IRAK3: variants seen among roughly 807,000 people sequenced by gnomAD.
IRAK3 encodes the protein interleukin-1 receptor-associated kinase 3.
A neutral mutation model predicts 56.6 loss-of-function variants in IRAK3; 57 were observed. The ratio of observed to expected loss-of-function variants is 1.01; its 90% CI spans 0.81 to 1.26. The LOEUF (loss-of-function observed/expected upper bound fraction) is 1.26. Ranked by LOEUF, IRAK3 falls within the 50% of genes most tolerant of loss-of-function variation. The pLI is 0.00. For synonymous variants in IRAK3, 258 were observed against 255.7 expected (o/e 1.01, Z -0.09); for missense variants, 703 against 719.0 (o/e 0.98, Z 0.25).
chr12:66,244,386 G>C, intron 8 of IRAK3, 100 bp from the exon 9 acceptor site: 2 of 836,204 alleles, frequency 2.4e-6, no homozygotes, highest in Admixed American at 1.9e-5. Context: ...ACAGTGTTTC[G>C]AATTAACCAG....
intron 2 of IRAK3, among the ~76,000 whole-genome samples, chr12:66,207,118 A>C (rs2052565368): frequency 6.6e-6 from 1 of 152,094 alleles, no homozygotes; most frequent in Non-Finnish European, 1.5e-5. Flanking sequence ...AAAGATTGTC[A>C]ATTTTAATGA....
intron 1 of IRAK3, among the ~76,000 whole-genome samples, chr12:66,201,078 A>G (rs1252062036): frequency 6.6e-6 from 1 of 152,182 alleles, no homozygotes; most frequent in African/African-American, 2.4e-5. Context: ...TGGCCTCTCA[A>G]AGTGCTAGAA....
intron 6 of IRAK3, among the ~76,000 whole-genome samples, chr12:66,225,418 A>G (rs1310504193): frequency 6.6e-6 from 1 of 151,906 alleles, no homozygotes; most frequent in Non-Finnish European, 1.5e-5. Flanking sequence ...TCCTTCCTTG[A>G]AGAGGAAGAA....
chr12:66,250,029 A>G lies in IRAK3; in HGVS notation c.*1858A>G, dbSNP rs1438398318. ...TTCAGAGCCTAATGTGTCATCCTAC[A>G]CAGAGCAGGTGTTTCCTTATAAATT... On this transcript the variant is annotated 3_prime_UTR_variant, in exon 12 of 12. Coordinates refer to ENST00000261233, the MANE Select transcript of IRAK3 (RefSeq NM_007199.3). 6.6e-6 allele frequency: 1 copy of G among 152,220 alleles called. No homozygotes were observed. The highest frequency in any genetic ancestry group is 1.5e-5 in the Non-Finnish European group (1 of 68,034). The allele number at this position is 152,220 out of a possible 1,614,324, so 9.4% of individuals were successfully genotyped here.
chr12:66,202,543 G>A (rs1365401122), intron 1 of IRAK3, among the ~76,000 whole-genome samples: 2 of 152,170 alleles, frequency 1.3e-5, no homozygotes, highest in South Asian at 2.1e-4. Context: ...AGGCCAAGGC[G>A]GGCAGATTGC....
In IRAK3 at chr12:66,225,895, C is replaced by G. The variant is rs185798270; in HGVS notation, c.654-828C>G. 2.8e-3 allele frequency among the ~76,000 whole-genome samples: 432 copies of G among 152,322 alleles called. 2 individuals carry two copies. Among genetic ancestry groups the G allele is most frequent in the African/African-American group, 9.7e-3 (405 of 41,574 alleles). ...TGAAGACACTGACATCTCTTTTGAG[C>G]TGTGTAGCTGGTATCTAGCACAGTA... On this transcript the variant is annotated intron_variant, in intron 6 of 11. Transcript: ENST00000261233.
At chr12:66,214,266 G>A (rs931055937) in intron 5 of IRAK3, among the ~76,000 whole-genome samples, 1 of 152,010 alleles carries the variant, frequency 6.6e-6, no homozygotes, top group East Asian at 1.9e-4. Flanking sequence ...GCTCATGCCT[G>A]TAATCCCAGC....
In IRAK3 at chr12:66,245,263, G is replaced by C; in HGVS notation, c.1314+1G>C. The C allele has an allele frequency of 6.2e-7, 1 of 1,614,052 alleles. No homozygotes were observed. Among genetic ancestry groups the C allele is most frequent in the South Asian group, 1.1e-5 (1 of 91,082 alleles). On this transcript the variant is annotated splice_donor_variant, in intron 11 of 11. Transcript: ENST00000261233. LOFTEE classifies it high-confidence loss of function. The stretch of plus-strand genomic sequence containing the variant: ...AAAGTTAAGACCATCAATGGATGAA[G>C]TGAGTATATACATGGTTTTATTCAA...
chr12:66,213,433 C>A (rs2136926664), intron 5 of IRAK3, among the ~76,000 whole-genome samples: 1 of 152,124 alleles, frequency 6.6e-6, no homozygotes, highest in East Asian at 1.9e-4. Flanking sequence ...AAAGGAGGAA[C>A]AATTGAGACA....
chr12:66,247,832 C>T lies in IRAK3; in HGVS notation c.1452C>T (p.Ser484=), dbSNP rs377676881. 6.2e-7 allele frequency: 1 copy of T among 1,613,954 alleles called. No homozygotes were observed. Among genetic ancestry groups the T allele is most frequent in the Non-Finnish European group, 8.5e-7 (1 of 1,179,980 alleles). The part of the protein sequence containing the change: ...VPSIPVEDDE[S]QNNNLLPSDE... ...GTATTCCAGTGGAAGATGATGAAAG[C>T]CAGAATAACAATTTACTACCTTCTG... Residue 484 remains serine, a synonymous_variant, in exon 12 of 12, where the codon AGC becomes AGT. Coordinates refer to ENST00000261233, the MANE Select transcript of IRAK3 (RefSeq NM_007199.3).
intron 8 of IRAK3, among the ~76,000 whole-genome samples, chr12:66,240,608 T>C (rs1441954991): frequency 1.3e-5 from 2 of 151,994 alleles, no homozygotes; most frequent in Admixed American, 6.6e-5. Flanking sequence ...TGTCTCAGTG[T>C]TGCAACAGCC....
Position 66,189,269 on chromosome 12 carries a change from G to A in IRAK3, c.-31G>A. ...GCAGGCGTGCAGGGACCTGGACTCCGCCTCGTCCCCGGGGCTCGGGCAGCC... is the reference window on the plus strand; with the variant it reads ...GCAGGCGTGCAGGGACCTGGACTCCACCTCGTCCCCGGGGCTCGGGCAGCC... On this transcript the variant is annotated 5_prime_UTR_variant, in exon 1 of 12. Coordinates refer to ENST00000261233, the MANE Select transcript of IRAK3 (RefSeq NM_007199.3). The A allele has an allele frequency of 1.3e-6, 2 of 1,534,482 alleles. No individual in the cohort carries two copies. The highest frequency in any genetic ancestry group is 8.7e-7 in the Non-Finnish European group (1 of 1,146,402).
intron 1 of IRAK3, among the ~76,000 whole-genome samples, chr12:66,203,481 G>A (rs2052528126): frequency 2.0e-5 from 3 of 152,158 alleles, no homozygotes; most frequent in Non-Finnish European, 2.9e-5. Flanking sequence ...AGTGAAATTA[G>A]AATAAGGTTT....
chr12:66,212,719 C>A (rs1300426778), intron 5 of IRAK3, among the ~76,000 whole-genome samples: 1 of 152,070 alleles, frequency 6.6e-6, no homozygotes, highest in Non-Finnish European at 1.5e-5. Flanking sequence ...GAGTTCATGT[C>A]CTTTGTAGGG....
Position 66,249,622 on chromosome 12 carries a change from G to A in IRAK3, c.*1451G>A, listed in dbSNP as rs1304146203. 1.3e-5 allele frequency: 2 copies of A among 152,446 alleles called. No homozygotes were observed. Among genetic ancestry groups the A allele is most frequent in the African/African-American group, 4.8e-5 (2 of 41,454 alleles). The allele number at this position is 152,446 out of a possible 1,614,324, so 9.4% of individuals were successfully genotyped here. ...CATTCTTTCTGGAGGCTGTTGGGGA[G>A]AACTCACTGCCTTGCCTTTTCCAGC... is the stretch of plus-strand genomic sequence containing the variant. On this transcript the variant is annotated 3_prime_UTR_variant, in exon 12 of 12. Coordinates refer to ENST00000261233, the MANE Select transcript of IRAK3 (RefSeq NM_007199.3).
intron 8 of IRAK3, chr12:66,234,533 C>T (rs1439271200): frequency 1.1e-5 from 17 of 1,611,914 alleles, no homozygotes; most frequent in Non-Finnish European, 1.0e-5. Context: ...AAGTGTCATT[C>T]CAGTAAGTCT....
chr12:66,204,620 G>T (rs888466722), intron 2 of IRAK3, among the ~76,000 whole-genome samples: 1 of 152,110 alleles, frequency 6.6e-6, no homozygotes, highest in Non-Finnish European at 1.5e-5. Context: ...CAACAATAAT[G>T]ATCTTGGGTC....
intron 8 of IRAK3, among the ~76,000 whole-genome samples, chr12:66,240,870 A>G (rs2052962247): frequency 6.7e-6 from 1 of 149,698 alleles, no homozygotes; most frequent in Non-Finnish European, 1.5e-5. Flanking sequence ...ATATGTGGGT[A>G]TATATATCTC....
intron 5 of IRAK3, among the ~76,000 whole-genome samples, chr12:66,213,831 T>G (rs2052637900): frequency 6.6e-6 from 1 of 150,440 alleles, no homozygotes; most frequent in Non-Finnish European, 1.5e-5. Context: ...AGGAGGGCTG[T>G]GTCTGGCACC....
Sources: gnomAD v4.1 joint callset for allele counts (sites outside exome capture counted in the v4.1 genomes callset) on GRCh38, gnomAD v4.1.1 for gene constraint, MANE v1.5 for transcripts, NCBI Gene and HGNC (gene_info 2026-07-23, HGNC 2026-07-21) for gene names.